DOCK9: variants seen among roughly 807,000 people sequenced by gnomAD.
DOCK9 encodes dedicator of cytokinesis 9.
DOCK9 carries 89 observed loss-of-function variants against 263.3 expected under a neutral mutation model. The observed-to-expected ratio is 0.34, with a 90% CI of 0.28 to 0.40. The LOEUF is 0.40. Ranked by LOEUF, DOCK9 falls within the 10% of genes least tolerant of loss-of-function variation. The pLI, the probability that DOCK9 is intolerant of heterozygous loss-of-function variation, is 1.00. For missense variants in DOCK9, 2,140 were observed against 2,603.4 expected (o/e 0.82, Z 3.87); for synonymous variants, 976 against 973.1 (o/e 1.00, Z -0.06).
At chr13:98,895,538 G>A (rs945300119) in intron 15 of DOCK9, among the ~76,000 whole-genome samples, 3 of 151,240 alleles carry the variant, frequency 2.0e-5, no homozygotes, top group East Asian at 2.0e-4. Context: ...AGTGGTGGGC[G>A]CCTATAGTCC....
At chr13:98,849,346 C>G (rs2093489861) in intron 36 of DOCK9, among the ~76,000 whole-genome samples, 1 of 151,720 alleles carries the variant, frequency 6.6e-6, no homozygotes, top group South Asian at 2.1e-4. Flanking sequence ...CATTTGGCAC[C>G]AAAATATGAC....
chr13:98,916,981 AC>A (rs2050991289), intron 7 of DOCK9, among the ~76,000 whole-genome samples: 4 of 152,184 alleles, frequency 2.6e-5, no homozygotes, highest in Admixed American at 2.6e-4. Context: ...TTAAATCACA[AC>A]TTTTGATGCT....
chr13:98,860,177 G>C lies in DOCK9; in HGVS notation c.3697+228C>G, dbSNP rs1334074227. ...AACAAAAAGCAAACAGCGTGAGCCA[G>C]TGATTAACTGTATGATCCTGAGGAG... is the stretch of plus-strand genomic sequence containing the variant. On this transcript the variant is annotated intron_variant, in intron 33 of 52. Transcript: ENST00000682017. The C allele has an allele frequency of 2.2e-6, 3 of 1,369,634 alleles. No individual in the cohort carries two copies. In the African/African-American group the frequency reaches 4.3e-5, roughly 20 times the overall value. 84.8% of individuals were successfully genotyped at this position (1,369,634 alleles called of 1,614,324 possible).
At chr13:99,039,416 C>T (rs971729941) in intron 1 of DOCK9, among the ~76,000 whole-genome samples, 1 of 152,154 alleles carries the variant, frequency 6.6e-6, no homozygotes, top group East Asian at 1.9e-4. Context: ...TTGAAAGTTA[C>T]TTTACTTTTT....
At chr13:99,056,307 G>A (rs957309653) in intron 1 of DOCK9, among the ~76,000 whole-genome samples, 4 of 138,304 alleles carry the variant, frequency 2.9e-5, no homozygotes, top group African/African-American at 1.1e-4. Context: ...ACATTGTTTG[G>A]GCACATTAAA....
chr13:98,869,719 G>A (rs1278783892), intron 27 of DOCK9, among the ~76,000 whole-genome samples: 1 of 152,228 alleles, frequency 6.6e-6, no homozygotes, highest in Non-Finnish European at 1.5e-5. Context: ...AGGGACACAT[G>A]GCTGCCCAGC....
At chr13:98,910,464 A>G (rs2049822731) in intron 9 of DOCK9, among the ~76,000 whole-genome samples, 1 of 152,226 alleles carries the variant, frequency 6.6e-6, no homozygotes, top group East Asian at 1.9e-4. Flanking sequence ...ATAAGCTCCA[A>G]GATTATACAA....
chr13:98,960,873 A>C (rs2058556353), intron 1 of DOCK9, among the ~76,000 whole-genome samples: 1 of 152,236 alleles, frequency 6.6e-6, no homozygotes, highest in Non-Finnish European at 1.5e-5. Flanking sequence ...GGAAGAAGAA[A>C]CAAGGCCGGT....
chr13:99,064,655 C>T (rs894088601), intron 1 of DOCK9, among the ~76,000 whole-genome samples: 3 of 152,210 alleles, frequency 2.0e-5, no homozygotes, highest in African/African-American at 7.2e-5. Flanking sequence ...TTTTTAAAGG[C>T]TTCTTTCATT....
chr13:98,821,104 T>A (rs772584668), intron 45 of DOCK9, among the ~76,000 whole-genome samples: 3 of 152,194 alleles, frequency 2.0e-5, no homozygotes, highest in African/African-American at 7.2e-5. Flanking sequence ...ATAATGAGGA[T>A]CACCTGTACT....
In DOCK9 at chr13:98,796,979, G is replaced by A. The variant is rs559243893; in HGVS notation, c.6156+136C>T. ...CCAAATGACCTGGGGCTAGAGCATG[G>A]CAGGAGTGTGGTATGCTACATTCTC... On this transcript the variant is annotated intron_variant, in intron 52 of 52. Coordinates refer to ENST00000682017, the MANE Select transcript of DOCK9 (RefSeq NM_001366683.2). 4 of 888,856 alleles carry A rather than the reference G, an allele frequency of 4.5e-6. No individual in the cohort carries two copies. The Admixed American group carries it at 9.1e-5, about 20-fold the overall frequency. 55.1% of individuals were successfully genotyped at this position (888,856 alleles called of 1,614,324 possible).
chr13:98,866,149 C>T (rs1271803995), intron 30 of DOCK9, among the ~76,000 whole-genome samples: 2 of 152,174 alleles, frequency 1.3e-5, no homozygotes, highest in Non-Finnish European at 2.9e-5. Context: ...TTTCATATCC[C>T]CTTTCCTTGC....
chr13:98,939,936 G>C (rs1253031395), intron 2 of DOCK9, among the ~76,000 whole-genome samples: 1 of 152,180 alleles, frequency 6.6e-6, no homozygotes, highest in Non-Finnish European at 1.5e-5. Context: ...AACCCCACTT[G>C]GTTGCACTGG....
chr13:98,805,544 C>T (rs2090606058), intron 48 of DOCK9, among the ~76,000 whole-genome samples: 1 of 152,106 alleles, frequency 6.6e-6, no homozygotes, highest in Admixed American at 6.5e-5. Context: ...AACCGCAATA[C>T]ATTATCATGC....
intron 48 of DOCK9, among the ~76,000 whole-genome samples, chr13:98,807,059 T>G (rs2090806276): frequency 6.6e-6 from 1 of 152,216 alleles, no homozygotes; most frequent in South Asian, 2.1e-4. Flanking sequence ...ATGTTTCACC[T>G]TCAGGAAGCA....
chr13:98,834,035 C>T (rs1227869062), intron 39 of DOCK9, among the ~76,000 whole-genome samples: 1 of 152,186 alleles, frequency 6.6e-6, no homozygotes, highest in Non-Finnish European at 1.5e-5. Context: ...AAGTAAATGA[C>T]ATATTAGAAT....
At chr13:99,048,275 G>A (rs1457155818) in intron 1 of DOCK9, among the ~76,000 whole-genome samples, 1 of 152,182 alleles carries the variant, frequency 6.6e-6, no homozygotes, top group East Asian at 1.9e-4. Flanking sequence ...GGAGTAAGAA[G>A]CACGCCTGAA....
chr13:98,930,121 G>C (rs2053668077), intron 3 of DOCK9, 47 bp downstream of exon 3: 2 of 1,518,518 alleles, frequency 1.3e-6, no homozygotes, highest in African/African-American at 1.5e-5. Flanking sequence ...GAGGCAGTTA[G>C]GGGAAAATGA....
intron 1 of DOCK9, among the ~76,000 whole-genome samples, chr13:99,047,175 T>C (rs1294442563): frequency 6.6e-6 from 1 of 152,202 alleles, no homozygotes; most frequent in Non-Finnish European, 1.5e-5. Context: ...AATGTGCTAA[T>C]TGAAATACAC....
Sources: allele counts gnomAD v4.1 joint callset (sites outside exome capture counted in the v4.1 genomes callset), GRCh38; gene constraint gnomAD v4.1.1; transcripts MANE v1.5; gene names NCBI Gene and HGNC (gene_info 2026-07-23, HGNC 2026-07-21).